Variants in RANBP17 observed in about 807,000 individuals in gnomAD.
RANBP17 encodes RAN binding protein 17.
RANBP17 carries 158 observed loss-of-function variants against 141.2 expected under a neutral mutation model. The ratio of observed to expected loss-of-function variants is 1.12; its 90% CI spans 0.98 to 1.28. RANBP17 has a LOEUF of 1.28. Ranked by LOEUF, RANBP17 falls within the 50% of genes most tolerant of loss-of-function variation. The pLI is 0.00. For missense variants in RANBP17, 1,438 were observed against 1,290.7 expected (o/e 1.11, Z -1.75); for synonymous variants, 430 against 450.0 (o/e 0.96, Z 0.56).
At chr5:170,952,832 G>A (rs1775311762) in intron 12 of RANBP17, among the ~76,000 whole-genome samples, 1 of 151,958 alleles carries the variant, frequency 6.6e-6, no homozygotes, top group Admixed American at 6.6e-5. Context: ...GGATCACCTA[G>A]ATCAATGAAT....
At chr5:170,966,381 G>A (rs1326251102) in intron 13 of RANBP17, among the ~76,000 whole-genome samples, 1 of 152,148 alleles carries the variant, frequency 6.6e-6, no homozygotes, top group Admixed American at 6.6e-5. Context: ...ATGCAAGGCT[G>A]GTTCAATATA....
At chr5:170,943,398 G>T (rs188814795) in intron 12 of RANBP17, among the ~76,000 whole-genome samples, 165 of 152,176 alleles carry the variant, frequency 1.1e-3, no homozygotes, top group African/African-American at 3.7e-3. Context: ...ACAATAATCC[G>T]TAAGAAATAG....
intron 22 of RANBP17, among the ~76,000 whole-genome samples, chr5:171,222,294 A>C (rs1763614071): frequency 6.6e-6 from 1 of 152,238 alleles, no homozygotes; most frequent in African/African-American, 2.4e-5. Flanking sequence ...GTTCTACAGG[A>C]AAGATTGTCC....
intron 16 of RANBP17, among the ~76,000 whole-genome samples, chr5:171,178,099 C>T (rs544759869): frequency 6.6e-6 from 1 of 151,506 alleles, no homozygotes; most frequent in African/African-American, 2.4e-5. Context: ...TATACACATG[C>T]CATGGTGGTT....
At chr5:171,171,623 C>G (rs1263012977) in intron 16 of RANBP17, among the ~76,000 whole-genome samples, 1 of 151,808 alleles carries the variant, frequency 6.6e-6, no homozygotes, top group African/African-American at 2.4e-5. Context: ...AAATTCGTGT[C>G]CTAAAAGAAA....
At chr5:171,155,117 A>G (rs1322346869) in intron 14 of RANBP17, among the ~76,000 whole-genome samples, 1 of 136,410 alleles carries the variant, frequency 7.3e-6, no homozygotes, top group Non-Finnish European at 1.5e-5. Context: ...ATATATATAT[A>G]TATGTACACA....
At chr5:171,099,261 CCA>C (rs200161426) in intron 14 of RANBP17, among the ~76,000 whole-genome samples, 20 of 151,734 alleles carry the variant, frequency 1.3e-4, no homozygotes, top group East Asian at 3.9e-4. Flanking sequence ...GGATGTTTTT[CCA>C]TTTTTTTGTG....
intron 13 of RANBP17, among the ~76,000 whole-genome samples, chr5:170,959,527 A>G (rs191584630): frequency 2.0e-5 from 3 of 152,216 alleles, no homozygotes; most frequent in Middle Eastern, 3.4e-3. Flanking sequence ...AGATGTTTGT[A>G]TAGTACATTT....
chr5:171,191,650 G>A (rs1175097393), intron 18 of RANBP17, among the ~76,000 whole-genome samples: 1 of 151,444 alleles, frequency 6.6e-6, no homozygotes, highest in East Asian at 1.9e-4. Context: ...TCGCGTCACT[G>A]CACTCCAACC....
intron 14 of RANBP17, among the ~76,000 whole-genome samples, chr5:171,118,830 C>A (rs1755821355): frequency 6.6e-6 from 1 of 152,068 alleles, no homozygotes; most frequent in African/African-American, 2.4e-5. Context: ...TTGGTAGAGT[C>A]TTTAGGTTTA....
At chr5:170,917,767 G>C (rs776045746) in intron 9 of RANBP17, among the ~76,000 whole-genome samples, 1 of 151,980 alleles carries the variant, frequency 6.6e-6, no homozygotes, top group Non-Finnish European at 1.5e-5. Flanking sequence ...ATAATATGCC[G>C]ATTCCTGATA....
At chr5:171,088,755 C>A (rs866857398) in intron 14 of RANBP17, among the ~76,000 whole-genome samples, 1 of 152,092 alleles carries the variant, frequency 6.6e-6, no homozygotes, top group Non-Finnish European at 1.5e-5. Flanking sequence ...TTGATCGCAT[C>A]GGCTCCTGAG....
At chr5:171,051,860 G>C (rs944143754) in intron 14 of RANBP17, among the ~76,000 whole-genome samples, 1 of 152,126 alleles carries the variant, frequency 6.6e-6, no homozygotes, top group Non-Finnish European at 1.5e-5. Flanking sequence ...CAATGTAAAA[G>C]AGTTTATCTT....
At chr5:171,096,548 T>C (rs748203008) in intron 14 of RANBP17, among the ~76,000 whole-genome samples, 3 of 152,184 alleles carry the variant, frequency 2.0e-5, no homozygotes, top group Non-Finnish European at 4.4e-5. Flanking sequence ...TTGATTGTTG[T>C]TGGCAAAGAC....
intron 12 of RANBP17, among the ~76,000 whole-genome samples, chr5:170,926,885 C>G (rs1269030672): frequency 6.6e-6 from 1 of 152,132 alleles, no homozygotes; most frequent in East Asian, 1.9e-4. Flanking sequence ...ACCATACTCA[C>G]TGCTCTACTT....
chr5:171,245,407 C>T (rs762903053), intron 24 of RANBP17, among the ~76,000 whole-genome samples: 7 of 151,804 alleles, frequency 4.6e-5, no homozygotes, highest in African/African-American at 7.3e-5. Flanking sequence ...CTCCGTCTCC[C>T]GGGTTCAAGT....
intron 14 of RANBP17, among the ~76,000 whole-genome samples, chr5:171,093,205 A>T (rs1786432867): frequency 1.0e-5 from 1 of 99,152 alleles, no homozygotes; most frequent in African/African-American, 3.4e-5. Flanking sequence ...AGTGGAACTC[A>T]GTCTCCCCCC....
chr5:171,295,764 A>T, intron 26 of RANBP17, 123 bp from the exon 27 acceptor site: 1 of 1,046,066 alleles, frequency 9.6e-7, no homozygotes. Flanking sequence ...GTGGACCTAG[A>T]CAAAAACTCC....
intron 14 of RANBP17, among the ~76,000 whole-genome samples, chr5:171,042,434 A>G (rs1232733925): frequency 2.0e-5 from 3 of 152,180 alleles, no homozygotes; most frequent in Non-Finnish European, 1.5e-5. Context: ...ACATGTCATT[A>G]TATAGTGCAT....
Sources: gnomAD v4.1 joint callset for allele counts (sites outside exome capture counted in the v4.1 genomes callset) on GRCh38, gnomAD v4.1.1 for gene constraint, MANE v1.5 for transcripts, NCBI Gene and HGNC (gene_info 2026-07-23, HGNC 2026-07-21) for gene names.